WWOX: variants seen among roughly 807,000 people sequenced by gnomAD.
The protein encoded by WWOX is WW domain-containing oxidoreductase.
A neutral mutation model predicts 46.2 loss-of-function variants in WWOX; 69 were observed. The observed-to-expected ratio is 1.49, with a 90% CI of 1.23 to 1.82. WWOX has a LOEUF of 1.82. Ranked by LOEUF, WWOX falls within the 40% of genes most tolerant of loss-of-function variation. The pLI, the probability that WWOX is intolerant of heterozygous loss-of-function variation, is 0.00. For synonymous variants in WWOX, 359 were observed against 202.6 expected (o/e 1.77, Z -6.56); for missense variants, 919 against 542.6 (o/e 1.69, Z -6.89).
chr16:78,159,618 G>A (rs1441858260), intron 4 of WWOX, among the ~76,000 whole-genome samples: 1 of 116,796 alleles, frequency 8.6e-6, no homozygotes, highest in Admixed American at 8.3e-5. Context: ...CTATTTGTAT[G>A]TTTTCTTTGG....
intron 8 of WWOX, among the ~76,000 whole-genome samples, chr16:78,538,883 C>G (rs2043822219): frequency 6.6e-6 from 1 of 152,164 alleles, no homozygotes; most frequent in South Asian, 2.1e-4. Flanking sequence ...CTATGAGATG[C>G]ATTTGAAAAC....
chr16:78,131,431 T>A (rs1196876191), intron 4 of WWOX, among the ~76,000 whole-genome samples: 1 of 152,162 alleles, frequency 6.6e-6, no homozygotes, highest in Non-Finnish European at 1.5e-5. Flanking sequence ...CCCATGCTGG[T>A]CTTGAACTCG....
At chr16:78,741,368 C>T (rs552782535) in intron 8 of WWOX, among the ~76,000 whole-genome samples, 81 of 152,122 alleles carry the variant, frequency 5.3e-4, no homozygotes, top group African/African-American at 1.7e-3. Flanking sequence ...CGAGATCAGC[C>T]GGGCCAACCT....
intron 8 of WWOX, among the ~76,000 whole-genome samples, chr16:79,039,446 C>T (rs563952351): frequency 1.3e-5 from 2 of 152,254 alleles, no homozygotes; most frequent in South Asian, 4.2e-4. Context: ...GCAGCTTCCT[C>T]CTGGGCACAG....
chr16:78,959,346 G>A (rs1168200309), intron 8 of WWOX, among the ~76,000 whole-genome samples: 1 of 152,176 alleles, frequency 6.6e-6, no homozygotes, highest in African/African-American at 2.4e-5. Flanking sequence ...GCTGTGCTTG[G>A]CCCTGAGAAA....
chr16:78,335,788 A>C (rs933251730), intron 5 of WWOX, among the ~76,000 whole-genome samples: 1 of 152,072 alleles, frequency 6.6e-6, no homozygotes, highest in African/African-American at 2.4e-5. Context: ...GGGCCCCAAA[A>C]CTTGCGTTTC....
At chr16:78,776,841 G>A (rs747587318) in intron 8 of WWOX, among the ~76,000 whole-genome samples, 3 of 152,040 alleles carry the variant, frequency 2.0e-5, no homozygotes, top group Non-Finnish European at 2.9e-5. Context: ...ATCAGATCGC[G>A]TAAGAACTCG....
At chr16:78,421,413 C>T (rs930379889) in intron 6 of WWOX, among the ~76,000 whole-genome samples, 8 of 152,140 alleles carry the variant, frequency 5.3e-5, no homozygotes, top group Non-Finnish European at 1.2e-4. Context: ...TGTTCCTTCT[C>T]CCCTTCTGTT....
intron 8 of WWOX, among the ~76,000 whole-genome samples, chr16:79,065,822 G>T (rs530983681): frequency 5.7e-4 from 86 of 151,414 alleles, no homozygotes; most frequent in Non-Finnish European, 1.1e-3. Context: ...CTGCCAGCCC[G>T]TGGGGCTAGA....
chr16:78,849,377 C>G (rs757641152), intron 8 of WWOX, among the ~76,000 whole-genome samples: 1 of 151,578 alleles, frequency 6.6e-6, no homozygotes, highest in Non-Finnish European at 1.5e-5. Context: ...CGAGACTATC[C>G]TGGCTAACAC....
At chr16:78,481,984 A>G (rs925149534) in intron 8 of WWOX, among the ~76,000 whole-genome samples, 3 of 152,114 alleles carry the variant, frequency 2.0e-5, no homozygotes, top group African/African-American at 4.8e-5. Context: ...AGCTGTCTGC[A>G]TTTCTGATAG....
chr16:78,484,540 G>C (rs943027744), intron 8 of WWOX, among the ~76,000 whole-genome samples: 2 of 152,156 alleles, frequency 1.3e-5, no homozygotes, highest in African/African-American at 4.8e-5. Flanking sequence ...ATCCACAATT[G>C]ACTTATAGTC....
chr16:78,454,385 A>G (rs962719238), intron 8 of WWOX, among the ~76,000 whole-genome samples: 1 of 150,524 alleles, frequency 6.6e-6, no homozygotes, highest in African/African-American at 2.5e-5. Context: ...TGTGTGTATT[A>G]TATGCATGTG....
intron 8 of WWOX, among the ~76,000 whole-genome samples, chr16:78,930,863 G>T (rs1468013801): frequency 6.6e-6 from 1 of 152,096 alleles, no homozygotes; most frequent in African/African-American, 2.4e-5. Flanking sequence ...ACAAAGACAA[G>T]GAGAATGACA....
chr16:79,134,666 G>A (rs190828467), intron 8 of WWOX, among the ~76,000 whole-genome samples: 13 of 152,236 alleles, frequency 8.5e-5, no homozygotes, highest in South Asian at 4.2e-4. Flanking sequence ...TTTAGGTCGC[G>A]ATTTCTTCAC....
chr16:78,894,069 T>C (rs1180586569), intron 8 of WWOX, among the ~76,000 whole-genome samples: 1 of 131,422 alleles, frequency 7.6e-6, no homozygotes, highest in Non-Finnish European at 1.7e-5. Context: ...GACAGGGTCT[T>C]GCTTTCTTGC....
chr16:78,934,287 G>A (rs1032145759), intron 8 of WWOX, among the ~76,000 whole-genome samples: 13 of 143,528 alleles, frequency 9.1e-5, no homozygotes, highest in African/African-American at 2.4e-4. Flanking sequence ...GCAGTGAGCC[G>A]AGATCGCACC....
intron 8 of WWOX, among the ~76,000 whole-genome samples, chr16:78,851,408 C>T (rs1220111891): frequency 3.3e-5 from 5 of 152,218 alleles, no homozygotes; most frequent in African/African-American, 4.8e-5. Context: ...AGTACGGGTA[C>T]TGAGCCAAGT....
chr16:78,137,214 C>A (rs967610903), intron 4 of WWOX, among the ~76,000 whole-genome samples: 1 of 152,134 alleles, frequency 6.6e-6, no homozygotes, highest in Admixed American at 6.5e-5. Flanking sequence ...AATTATGACG[C>A]CTTGGGAAAT....
Sources: gnomAD v4.1 joint callset for allele counts (sites outside exome capture counted in the v4.1 genomes callset) on GRCh38, gnomAD v4.1.1 for gene constraint, MANE v1.5 for transcripts, NCBI Gene and HGNC (gene_info 2026-07-23, HGNC 2026-07-21) for gene names.